PPP2R2B: variants seen among roughly 807,000 people sequenced by gnomAD.
The protein encoded by PPP2R2B is serine/threonine-protein phosphatase 2A 55 kDa regulatory subunit B beta isoform.
Under a neutral mutation model 46.0 loss-of-function variants are expected in PPP2R2B, and 5 were observed. The observed-to-expected ratio is 0.11, with a 90% CI of 0.06 to 0.23. The LOEUF (loss-of-function observed/expected upper bound fraction) is 0.23, where lower values mean the gene tolerates loss of function less well. PPP2R2B is among the 10% of genes least tolerant of loss of function. PPP2R2B has a pLI of 1.00. For synonymous variants in PPP2R2B, 215 were observed against 206.7 expected (o/e 1.04, Z -0.34); for missense variants, 367 against 575.0 (o/e 0.64, Z 3.70).
chr5:146,682,087 G>T (rs1384201036), intron 5 of PPP2R2B, among the ~76,000 whole-genome samples: 2 of 152,168 alleles, frequency 1.3e-5, no homozygotes, highest in African/African-American at 4.8e-5. Context: ...CCTAAACCAG[G>T]TATAGGGTTC....
At chr5:146,958,371 A>G (rs1336324105) in intron 1 of PPP2R2B, among the ~76,000 whole-genome samples, 1 of 152,136 alleles carries the variant, frequency 6.6e-6, no homozygotes, top group Non-Finnish European at 1.5e-5. Flanking sequence ...TCACTAGTAG[A>G]TCTGCCTCCA....
intron 8 of PPP2R2B, among the ~76,000 whole-genome samples, chr5:146,594,244 A>G (rs1770944620): frequency 6.6e-6 from 1 of 152,216 alleles, no homozygotes; most frequent in Non-Finnish European, 1.5e-5. Context: ...CATGGTTATC[A>G]ACTAAGAGTG....
chr5:146,780,622 C>G (rs1296404956), intron 2 of PPP2R2B, among the ~76,000 whole-genome samples: 2 of 152,116 alleles, frequency 1.3e-5, no homozygotes, highest in African/African-American at 4.8e-5. Flanking sequence ...TGTTCTAGTG[C>G]CTGGCTAGAA....
At chr5:146,834,496 G>A (rs1759154316) in intron 2 of PPP2R2B, among the ~76,000 whole-genome samples, 1 of 152,192 alleles carries the variant, frequency 6.6e-6, no homozygotes, top group Non-Finnish European at 1.5e-5. Flanking sequence ...AACTCATCTA[G>A]CACCTTTGTC....
chr5:146,882,696 A>C (rs1417914237), upstream of PPP2R2B, among the ~76,000 whole-genome samples: 3 of 152,230 alleles, frequency 2.0e-5, no homozygotes, highest in Admixed American at 6.5e-5. Flanking sequence ...ACACTGGGAT[A>C]GGATTATAGA....
intron 2 of PPP2R2B, among the ~76,000 whole-genome samples, chr5:147,069,785 G>GTTTTTCTTTTTTT (rs1757522831): frequency 1.5e-5 from 1 of 64,786 alleles, no homozygotes; most frequent in Admixed American, 2.5e-4. Flanking sequence ...ATTTTATACT[G>GTTTTTCTTTTTTT]TTTTTTTTTT....
chr5:146,738,122 C>T (rs1752650145), intron 2 of PPP2R2B, among the ~76,000 whole-genome samples: 1 of 151,668 alleles, frequency 6.6e-6, no homozygotes, highest in South Asian at 2.1e-4. Context: ...TCGGGCTGGG[C>T]GCGGTGGCTC....
chr5:146,660,549 C>T (rs991570627), intron 5 of PPP2R2B, among the ~76,000 whole-genome samples: 8 of 152,198 alleles, frequency 5.3e-5, no homozygotes, highest in East Asian at 3.9e-4. Context: ...TGGCTTACAG[C>T]GACATATCAG....
At chr5:147,015,083 A>G (rs1032140838) in intron 1 of PPP2R2B, among the ~76,000 whole-genome samples, 5 of 152,104 alleles carry the variant, frequency 3.3e-5, no homozygotes, top group African/African-American at 9.7e-5. Flanking sequence ...TCTTCCAACT[A>G]GAAGAACTCC....
At position 146,874,331 on chromosome 5, in the gene PPP2R2B, G is replaced by T. The variant is rs561538489; in HGVS notation, c.70+3671C>A. Reference sequence around the variant, plus strand: ...TTAAAGGCAGAATGAATCAATAATTGAAAGGAGCTACTTGGAATAGTAAAC... The same window carrying T: ...TTAAAGGCAGAATGAATCAATAATTTAAAGGAGCTACTTGGAATAGTAAAC... On this transcript the variant is annotated intron_variant, in intron 2 of 9. Transcript: ENST00000394411. 2.0e-4 allele frequency among the ~76,000 whole-genome samples: 30 copies of T among 152,292 alleles called. No homozygotes were observed. In the South Asian group the frequency reaches 4.1e-3, roughly 21 times the overall value.
chr5:146,649,723 T>C (rs1032068227), intron 6 of PPP2R2B, among the ~76,000 whole-genome samples: 1 of 152,222 alleles, frequency 6.6e-6, no homozygotes, highest in African/African-American at 2.4e-5. Flanking sequence ...GTGCTGGGAT[T>C]ATAAGCATAA....
chr5:146,989,638 A>G (rs1753598939), intron 1 of PPP2R2B, among the ~76,000 whole-genome samples: 1 of 152,112 alleles, frequency 6.6e-6, no homozygotes, highest in Non-Finnish European at 1.5e-5. Flanking sequence ...CAGAGCTAAC[A>G]TTATATGGAA....
exon 2 of PPP2R2B, chr5:147,081,120 G>A (rs573516957): frequency 6.5e-7 from 1 of 1,535,466 alleles, no homozygotes; most frequent in Non-Finnish European, 8.7e-7. Flanking sequence ...GTGTGTCCTG[G>A]GTGAGTGTCC....
chr5:146,877,876 GAGCCCCCGCCCC>G, intron 2 of PPP2R2B, 114 bp downstream of exon 2: 1 of 1,153,324 alleles, frequency 8.7e-7, no homozygotes, highest in Admixed American at 2.7e-5. Flanking sequence ...GGGGCCAGCC[GAGCCCCCGCCCC>G]AGCCCTAGGG....
chr5:146,874,502 T>G (rs915000573), intron 2 of PPP2R2B, among the ~76,000 whole-genome samples: 3 of 152,242 alleles, frequency 2.0e-5, no homozygotes, highest in African/African-American at 7.2e-5. Context: ...GGCTTTGTAT[T>G]AGGCATATCC....
chr5:146,878,467 C>A lies in PPP2R2B; in HGVS notation c.-125+124G>T. Reference sequence around the variant, plus strand: ...ATGCCCAACAGGTTCCCCTCCTTGGCAGCCGCTCCAAAATGCAAAAAAGAT... The same window carrying A: ...ATGCCCAACAGGTTCCCCTCCTTGGAAGCCGCTCCAAAATGCAAAAAAGAT... On this transcript the variant is annotated intron_variant, in intron 1 of 9. Coordinates refer to ENST00000394411, the MANE Select transcript of PPP2R2B (RefSeq NM_181675.4). This position sits in a 1 kb window ranked among gnomAD's most constrained non-coding sequence, Gnocchi z 4.5. The A allele has an allele frequency of 7.5e-7, 1 of 1,341,702 alleles. No homozygotes were observed. The highest frequency in any genetic ancestry group is 9.6e-7 in the Non-Finnish European group (1 of 1,045,014). 83.1% of individuals were successfully genotyped at this position (1,341,702 alleles called of 1,614,324 possible).
chr5:146,768,983 T>G (rs999291428), intron 2 of PPP2R2B, among the ~76,000 whole-genome samples: 15 of 152,016 alleles, frequency 9.9e-5, no homozygotes, highest in African/African-American at 2.9e-4. Flanking sequence ...GTTCAAGTGA[T>G]TCTCCTGCCT....
chr5:146,864,309 G>A (rs1331933606), intron 2 of PPP2R2B, among the ~76,000 whole-genome samples: 4 of 148,728 alleles, frequency 2.7e-5, no homozygotes, highest in African/African-American at 7.5e-5. Flanking sequence ...AGAGATGTCT[G>A]GAAGTCTAAA....
At chr5:146,980,462 C>A (rs1753117701) in intron 1 of PPP2R2B, among the ~76,000 whole-genome samples, 1 of 152,142 alleles carries the variant, frequency 6.6e-6, no homozygotes, top group African/African-American at 2.4e-5. Flanking sequence ...TGATCACTGA[C>A]AACCCACCCC....
Sources: gnomAD v4.1 joint callset for allele counts (sites outside exome capture counted in the v4.1 genomes callset) on GRCh38, gnomAD v4.1.1 for gene constraint, Gnocchi (gnomAD v3.1) non-coding constraint, MANE v1.5 for transcripts, NCBI Gene and HGNC (gene_info 2026-07-23, HGNC 2026-07-21) for gene names.